The following SUGCT variants were observed in gnomAD, a reference collection of about 807,000 sequenced individuals.
The protein encoded by SUGCT is succinyl-CoA:glutarate CoA-transferase.
SUGCT carries 41 observed loss-of-function variants against 55.0 expected under a neutral mutation model. That is an observed-to-expected ratio of 0.74 (90% confidence interval 0.58 to 0.97). The LOEUF is 0.97. Among genes scored for constraint, SUGCT ranks in the 50% least tolerant of loss-of-function variants. SUGCT has a pLI of 0.00. For synonymous variants in SUGCT, 187 were observed against 200.4 expected (o/e 0.93, Z 0.56); for missense variants, 568 against 547.8 (o/e 1.04, Z -0.37).
intron 1 of SUGCT, among the ~76,000 whole-genome samples, chr7:40,140,936 C>A (rs1190802814): frequency 6.6e-6 from 1 of 152,140 alleles, no homozygotes; most frequent in Non-Finnish European, 1.5e-5. Context: ...GCTTTGGGCA[C>A]AATGGTCATT....
chr7:40,796,194 T>C (rs958690085), intron 13 of SUGCT, among the ~76,000 whole-genome samples: 1 of 152,154 alleles, frequency 6.6e-6, no homozygotes, highest in Non-Finnish European at 1.5e-5. Flanking sequence ...AAAAGATGTC[T>C]AATAGCATCT....
intron 12 of SUGCT, among the ~76,000 whole-genome samples, chr7:40,702,510 C>T (rs536677972): frequency 6.2e-4 from 94 of 152,362 alleles, no homozygotes; most frequent in Admixed American, 1.2e-3. Flanking sequence ...GGGCATCCAT[C>T]TGCCTTTTCC....
At chr7:40,727,423 C>T (rs953472120) in intron 12 of SUGCT, among the ~76,000 whole-genome samples, 2 of 152,190 alleles carry the variant, frequency 1.3e-5, no homozygotes, top group South Asian at 2.1e-4. Flanking sequence ...CCATTCTCCT[C>T]TCTTGTAAGC....
At chr7:40,173,852 T>C (rs947808063) in intron 1 of SUGCT, among the ~76,000 whole-genome samples, 23 of 149,116 alleles carry the variant, frequency 1.5e-4, no homozygotes, top group Admixed American at 9.4e-4. Flanking sequence ...TCATATAAAT[T>C]ATATATAATG....
At chr7:40,858,395 T>A (rs544770546) in intron 13 of SUGCT, among the ~76,000 whole-genome samples, 1 of 104,188 alleles carries the variant, frequency 9.6e-6, no homozygotes, top group Non-Finnish European at 1.8e-5. Flanking sequence ...AAGAGCAAAA[T>A]TCCATCTCAA....
At chr7:40,577,348 A>G (rs1163895438) in intron 12 of SUGCT, among the ~76,000 whole-genome samples, 1 of 152,114 alleles carries the variant, frequency 6.6e-6, no homozygotes, top group African/African-American at 2.4e-5. Context: ...TAGTTCTAAT[A>G]TCTGGGTATC....
At chr7:40,143,069 A>G (rs987197174) in intron 1 of SUGCT, among the ~76,000 whole-genome samples, 3 of 152,170 alleles carry the variant, frequency 2.0e-5, no homozygotes, top group Non-Finnish European at 4.4e-5. Context: ...AAAGACCCAT[A>G]AGAGGCTTCC....
In SUGCT at chr7:40,399,456, CA is replaced by C. The variant is rs371675023; in HGVS notation, c.817-49828del. ...GGAGGTCCAGGCATAGAACTACTCT[CA>C]AACCAGCTTGATTCATGGTTCAATG... On this transcript the variant is annotated intron_variant, in intron 9 of 13. Coordinates refer to ENST00000335693, the MANE Select transcript of SUGCT (RefSeq NM_001193313.2). 1.1e-4 allele frequency among the ~76,000 whole-genome samples: 17 copies of C among 152,262 alleles called. No individual in the cohort carries two copies. In the South Asian group the frequency reaches 1.4e-3, roughly 13 times the overall value.
chr7:40,521,246 G>C (rs1406279047), intron 12 of SUGCT, among the ~76,000 whole-genome samples: 1 of 152,164 alleles, frequency 6.6e-6, no homozygotes, highest in Non-Finnish European at 1.5e-5. Flanking sequence ...ATGATAGTGA[G>C]TGAGTTCTCA....
At chr7:40,735,478 C>A (rs1265686078) in intron 12 of SUGCT, among the ~76,000 whole-genome samples, 1 of 152,032 alleles carries the variant, frequency 6.6e-6, no homozygotes. Flanking sequence ...AGAAATCCTG[C>A]CAGTAGAAAA....
intron 8 of SUGCT, among the ~76,000 whole-genome samples, chr7:40,305,319 A>G (rs1341783198): frequency 6.6e-6 from 1 of 152,186 alleles, no homozygotes; most frequent in Non-Finnish European, 1.5e-5. Context: ...TCTTCTTTAA[A>G]TTCTTCAAAT....
At chr7:40,269,679 CTG>C (rs1179543767) in intron 7 of SUGCT, among the ~76,000 whole-genome samples, 1 of 152,152 alleles carries the variant, frequency 6.6e-6, no homozygotes, top group Non-Finnish European at 1.5e-5. Flanking sequence ...TGTAGACTCA[CTG>C]TGGTTTTCAT....
chr7:40,603,044 T>C (rs1464276840), intron 12 of SUGCT, among the ~76,000 whole-genome samples: 5 of 152,220 alleles, frequency 3.3e-5, no homozygotes, highest in Non-Finnish European at 5.9e-5. Context: ...CATGTGAACT[T>C]CTAGGGAAGT....
chr7:40,743,780 C>T (rs183884603), intron 12 of SUGCT, among the ~76,000 whole-genome samples: 12 of 152,162 alleles, frequency 7.9e-5, no homozygotes, highest in East Asian at 3.9e-4. Flanking sequence ...AAACAGTTGC[C>T]GCTTCTTGTG....
At chr7:40,543,478 G>A (rs1794814451) in intron 12 of SUGCT, among the ~76,000 whole-genome samples, 4 of 152,154 alleles carry the variant, frequency 2.6e-5, no homozygotes, top group African/African-American at 9.7e-5. Flanking sequence ...GGAAGACTCT[G>A]CCGTACATCT....
chr7:40,250,836 T>C lies in SUGCT; in HGVS notation c.576+13110T>C, dbSNP rs1242846144. 4.0e-4 allele frequency among the ~76,000 whole-genome samples: 46 copies of C among 114,968 alleles called. No homozygotes were observed. The East Asian group carries it at 4.0e-3, about 10-fold the overall frequency. The allele number at this position is 114,968 out of a possible 152,430, so 75.4% of individuals were successfully genotyped here. On this transcript the variant is annotated intron_variant, in intron 7 of 13. Transcript: ENST00000335693. ...GAAGTCATTTCACGCTTCTTTTTTT[T>C]TTTTTTTTTTTTTTTTTTAAGACGG... is the stretch of plus-strand genomic sequence containing the variant.
intron 12 of SUGCT, among the ~76,000 whole-genome samples, chr7:40,594,081 A>T (rs575559211): frequency 6.6e-6 from 1 of 152,244 alleles, no homozygotes; most frequent in African/African-American, 2.4e-5. Flanking sequence ...AAGAACAAAA[A>T]ACCAAACACC....
Position 40,333,704 on chromosome 7 carries a change from A to ATATATAT in SUGCT, c.816+16849_816+16850insTATATAT, listed in dbSNP as rs1562689549. Among the ~76,000 whole-genome samples, 89 of 114,354 alleles carry ATATATAT rather than the reference A, an allele frequency of 7.8e-4. 2 individuals carry two copies. The highest frequency in any genetic ancestry group is 1.3e-3 in the Non-Finnish European group (72 of 53,538). The allele number at this position is 114,354 out of a possible 152,430, so 75.0% of individuals were successfully genotyped here. ...ATATATATATATATATATATATATA[A>ATATATAT]ATATTTATAAAATACACACATATAT... On this transcript the variant is annotated intron_variant, in intron 9 of 13. Coordinates refer to ENST00000335693, the MANE Select transcript of SUGCT (RefSeq NM_001193313.2).
chr7:40,246,004 T>C (rs1177955507), intron 7 of SUGCT, among the ~76,000 whole-genome samples: 2 of 152,052 alleles, frequency 1.3e-5, no homozygotes, highest in Non-Finnish European at 2.9e-5. Flanking sequence ...TCAGCTAATT[T>C]TTGTAGTTTT....
Sources: gnomAD v4.1 joint callset for allele counts (sites outside exome capture counted in the v4.1 genomes callset) on GRCh38, gnomAD v4.1.1 for gene constraint, MANE v1.5 for transcripts, NCBI Gene and HGNC (gene_info 2026-07-23, HGNC 2026-07-21) for gene names.